Variants in FSTL4 observed in about 807,000 individuals in gnomAD.
FSTL4 encodes the protein follistatin-related protein 4.
A neutral mutation model predicts 78.2 loss-of-function variants in FSTL4; 28 were observed. The ratio of observed to expected loss-of-function variants is 0.36; its 90% CI spans 0.27 to 0.49. FSTL4 has a LOEUF of 0.49. Ranked by LOEUF, FSTL4 falls within the 20% of genes least tolerant of loss-of-function variation. FSTL4 has a pLI of 0.98. For synonymous variants in FSTL4, 422 were observed against 440.5 expected, an observed-to-expected ratio of 0.96 and a Z score of 0.53; for missense variants, 922 against 1,084.9, an observed-to-expected ratio of 0.85 and a Z score of 2.11.
intron 5 of FSTL4, among the ~76,000 whole-genome samples, chr5:133,314,151 G>A (rs1489026486): frequency 6.6e-6 from 1 of 152,152 alleles, no homozygotes. Flanking sequence ...TGCCCTTGGT[G>A]CTCCCTGCTC....
intron 6 of FSTL4, among the ~76,000 whole-genome samples, chr5:133,294,567 A>G (rs1753344373): frequency 6.6e-6 from 1 of 152,082 alleles, no homozygotes; most frequent in South Asian, 2.1e-4. Flanking sequence ...CTTATATGCC[A>G]CCTGTGTAAG....
chr5:133,424,828 C>A (rs1167988463), intron 3 of FSTL4, among the ~76,000 whole-genome samples: 1 of 152,180 alleles, frequency 6.6e-6, no homozygotes, highest in Non-Finnish European at 1.5e-5. Flanking sequence ...GGAGAATAAG[C>A]CTTTCCCTGA....
At chr5:133,690,274 G>C in the FSTL4 span, among the ~76,000 whole-genome samples, 1 of 151,988 alleles carries the variant, frequency 6.6e-6, no homozygotes, top group Non-Finnish European at 1.5e-5. Flanking sequence ...CTCCAAAAGG[G>C]CTATCTGCCT....
At chr5:133,229,010 G>T (rs1387411272) in intron 8 of FSTL4, among the ~76,000 whole-genome samples, 1 of 152,144 alleles carries the variant, frequency 6.6e-6, no homozygotes, top group Non-Finnish European at 1.5e-5. Context: ...AACGAGGCCA[G>T]TACTAAAATA....
At position 133,199,087 on chromosome 5, in the gene FSTL4, T is replaced by C. The variant is rs1253566544; in HGVS notation, c.*8A>G. 13 of 1,503,230 alleles carry C rather than the reference T, an allele frequency of 8.6e-6. No individual in the cohort carries two copies. In the South Asian group the frequency reaches 1.4e-4, roughly 16 times the overall value. The allele number at this position is 1,503,230 out of a possible 1,614,324, so 93.1% of individuals were successfully genotyped here. Reference sequence around the variant, plus strand: ...TGTTCCTTGGCCCAGGGCTCTGCTCTGGGCCCTTCATACCTCACCCACCCA... The same window carrying C: ...TGTTCCTTGGCCCAGGGCTCTGCTCCGGGCCCTTCATACCTCACCCACCCA... On this transcript the variant is annotated 3_prime_UTR_variant, in exon 16 of 16. Transcript: ENST00000265342. This position sits in a 1 kb window ranked among gnomAD's most constrained non-coding sequence, Gnocchi z 4.4.
the FSTL4 span, among the ~76,000 whole-genome samples, chr5:133,821,276 G>T: frequency 5.3e-5 from 8 of 152,286 alleles, no homozygotes; most frequent in East Asian, 1.5e-3. Context: ...CTTCTCATCT[G>T]GTTCTTGATC....
chr5:133,660,865 G>T, the FSTL4 span, among the ~76,000 whole-genome samples: 1 of 152,210 alleles, frequency 6.6e-6, no homozygotes, highest in Admixed American at 6.5e-5. Context: ...ATCCAGTGAG[G>T]CCTGCCTTGA....
chr5:133,537,119 T>C (rs1275256931), intron 3 of FSTL4, among the ~76,000 whole-genome samples: 1 of 152,200 alleles, frequency 6.6e-6, no homozygotes, highest in Non-Finnish European at 1.5e-5. Flanking sequence ...AGGGTGGCCA[T>C]CATTATTTCT....
intron 13 of FSTL4, among the ~76,000 whole-genome samples, chr5:133,216,714 T>G (rs994403180): frequency 6.6e-6 from 1 of 152,230 alleles, no homozygotes; most frequent in Admixed American, 6.5e-5. Context: ...ATCAATCCCC[T>G]GATGAAAGCC....
At chr5:133,706,868 G>A in the FSTL4 span, among the ~76,000 whole-genome samples, 1 of 152,072 alleles carries the variant, frequency 6.6e-6, no homozygotes, top group Non-Finnish European at 1.5e-5. Context: ...AGTGCAGACG[G>A]GCCCCACCCA....
intron 4 of FSTL4, among the ~76,000 whole-genome samples, chr5:133,318,159 A>ATCTATTT (rs1753955212): frequency 6.6e-6 from 1 of 152,102 alleles, no homozygotes; most frequent in African/African-American, 2.4e-5. Flanking sequence ...ATATAATCAG[A>ATCTATTT]TCTATTTGCT....
At chr5:133,816,764 C>A in the FSTL4 span, among the ~76,000 whole-genome samples, 1 of 152,208 alleles carries the variant, frequency 6.6e-6, no homozygotes, top group Non-Finnish European at 1.5e-5. Context: ...TTTTAAAAGC[C>A]ACACTGCCAG....
At chr5:133,770,286 C>A in the FSTL4 span, among the ~76,000 whole-genome samples, 2 of 152,038 alleles carry the variant, frequency 1.3e-5, no homozygotes, top group African/African-American at 4.8e-5. Flanking sequence ...ATTTTTAGTT[C>A]TTTAAGAAAT....
the FSTL4 span, among the ~76,000 whole-genome samples, chr5:133,676,822 A>C: frequency 9.8e-5 from 15 of 152,330 alleles, no homozygotes; most frequent in East Asian, 2.9e-3. Flanking sequence ...GAAACTGGGA[A>C]AAAATGTATA....
At chr5:133,508,902 A>G (rs1420291759) in intron 3 of FSTL4, among the ~76,000 whole-genome samples, 3 of 152,154 alleles carry the variant, frequency 2.0e-5, no homozygotes, top group Non-Finnish European at 2.9e-5. Context: ...ACTCTTATAT[A>G]AGGTAAGTGC....
intron 4 of FSTL4, among the ~76,000 whole-genome samples, chr5:133,351,060 T>C (rs1754811162): frequency 6.6e-6 from 1 of 152,216 alleles, no homozygotes; most frequent in Non-Finnish European, 1.5e-5. Context: ...TCTGCATATG[T>C]AAATTTTTTT....
At chr5:133,410,354 C>G (rs1047046445) in intron 3 of FSTL4, among the ~76,000 whole-genome samples, 2 of 152,224 alleles carry the variant, frequency 1.3e-5, no homozygotes, top group African/African-American at 4.8e-5. Flanking sequence ...CCCAGCTCCT[C>G]TGGGCTCCCT....
chr5:133,507,157 G>A (rs1000043923), intron 3 of FSTL4, among the ~76,000 whole-genome samples: 7 of 152,172 alleles, frequency 4.6e-5, no homozygotes, highest in East Asian at 1.9e-4. Context: ...GCAGTGAGCC[G>A]AGATCACGCC....
At chr5:133,714,304 T>C in the FSTL4 span, among the ~76,000 whole-genome samples, 1 of 152,206 alleles carries the variant, frequency 6.6e-6, no homozygotes, top group Non-Finnish European at 1.5e-5. Context: ...AACCAGGCCC[T>C]GGGCTCCCTT....
Sources: allele counts gnomAD v4.1 joint callset (sites outside exome capture counted in the v4.1 genomes callset), GRCh38; gene constraint gnomAD v4.1.1; non-coding constraint Gnocchi (gnomAD v3.1); transcripts MANE v1.5; gene names NCBI Gene and HGNC (gene_info 2026-07-23, HGNC 2026-07-21).